The following XKR9 variants were observed in gnomAD, a reference collection of about 807,000 sequenced individuals.
XKR9 encodes XK related 9, also known as XK-related protein 9.
A neutral mutation model predicts 32.0 loss-of-function variants in XKR9; 32 were observed. The observed-to-expected ratio is 1.00, with a 90% CI of 0.76 to 1.34. The LOEUF (loss-of-function observed/expected upper bound fraction) is 1.34, where lower values mean the gene tolerates loss of function less well. Among genes scored for constraint, XKR9 ranks in the 40% most tolerant of loss-of-function variants. The probability of loss-of-function intolerance (pLI) is 0.00; values close to 1 mark genes in which losing one functional copy is unlikely to be tolerated. For missense variants in XKR9, 546 were observed against 429.7 expected (o/e 1.27, Z -2.39); for synonymous variants, 168 against 143.4 (o/e 1.17, Z -1.22).
the XKR9 span, among the ~76,000 whole-genome samples, chr8:70,989,609 G>A: frequency 6.6e-6 from 1 of 152,192 alleles, no homozygotes; most frequent in South Asian, 2.1e-4. Context: ...AGTAAAGAAT[G>A]CAGGCTCTGG....
chr8:70,805,503 T>C, the XKR9 span, among the ~76,000 whole-genome samples: 1 of 152,138 alleles, frequency 6.6e-6, no homozygotes, highest in Non-Finnish European at 1.5e-5. Flanking sequence ...CCTAACACGC[T>C]AAGCTCCCTG....
chr8:70,992,590 A>G, the XKR9 span, among the ~76,000 whole-genome samples: 1 of 152,218 alleles, frequency 6.6e-6, no homozygotes. Context: ...ACACATTAAT[A>G]TCTTTCCTTT....
At chr8:70,729,778 T>C (rs2132235585) in intron 4 of XKR9, among the ~76,000 whole-genome samples, 1 of 152,286 alleles carries the variant, frequency 6.6e-6, no homozygotes, top group South Asian at 2.1e-4. Context: ...TTTTGGAGCA[T>C]ATACCTATAA....
chr8:70,847,573 T>G, the XKR9 span, among the ~76,000 whole-genome samples: 1 of 151,580 alleles, frequency 6.6e-6, no homozygotes, highest in East Asian at 1.9e-4. Context: ...TGAGAAATGT[T>G]TGGATAGACT....
At chr8:70,829,503 C>A in the XKR9 span, among the ~76,000 whole-genome samples, 2 of 152,202 alleles carry the variant, frequency 1.3e-5, no homozygotes, top group African/African-American at 4.8e-5. Context: ...GGCTGGAGTG[C>A]AGTGGTGCGA....
At chr8:70,729,522 T>G (rs1054990907) in intron 4 of XKR9, among the ~76,000 whole-genome samples, 1 of 152,088 alleles carries the variant, frequency 6.6e-6, no homozygotes, top group African/African-American at 2.4e-5. Context: ...TCCAAAGTTA[T>G]AAGAAATTTG....
the XKR9 span, among the ~76,000 whole-genome samples, chr8:70,955,228 A>T: frequency 6.6e-6 from 1 of 152,226 alleles, no homozygotes; most frequent in African/African-American, 2.4e-5. Context: ...ATAAAGAGCT[A>T]AAGCCCAGTG....
the XKR9 span, among the ~76,000 whole-genome samples, chr8:70,956,855 CA>C: frequency 2.0e-5 from 3 of 152,266 alleles, no homozygotes; most frequent in South Asian, 2.1e-4. Context: ...CCTGCAGGGT[CA>C]GGGGGCTTCT....
At chr8:70,909,703 C>CTT in the XKR9 span, among the ~76,000 whole-genome samples, 25,310 of 91,084 alleles carry the variant, frequency 0.28, 4,900 homozygotes, top group Non-Finnish European at 0.4. Flanking sequence ...TCGATTTATC[C>CTT]TTTTTTTTTT....
the XKR9 span, among the ~76,000 whole-genome samples, chr8:70,881,077 A>G: frequency 1.9e-4 from 29 of 152,248 alleles, no homozygotes; most frequent in East Asian, 5.0e-3. Context: ...TATGTAGAAA[A>G]CTGAAACTGG....
At chr8:70,862,182 T>C in the XKR9 span, among the ~76,000 whole-genome samples, 1 of 152,196 alleles carries the variant, frequency 6.6e-6, no homozygotes, top group Non-Finnish European at 1.5e-5. Context: ...CAAAGTCAAC[T>C]GAATATTTTA....
At chr8:70,779,610 T>C (rs1807587605) in intron 2 of XKR9, among the ~76,000 whole-genome samples, 1 of 152,182 alleles carries the variant, frequency 6.6e-6, no homozygotes, top group African/African-American at 2.4e-5. Context: ...GGTAGGCTAT[T>C]AATTATTGCC....
At chr8:70,936,372 T>C in the XKR9 span, among the ~76,000 whole-genome samples, 1 of 152,082 alleles carries the variant, frequency 6.6e-6, no homozygotes, top group Non-Finnish European at 1.5e-5. Flanking sequence ...TGGCTTTCCT[T>C]ACACTGGAAG....
the XKR9 span, among the ~76,000 whole-genome samples, chr8:70,931,380 C>T: frequency 6.6e-6 from 1 of 152,086 alleles, no homozygotes; most frequent in Admixed American, 6.6e-5. Flanking sequence ...TATGACCAGC[C>T]AGGTTGTGTG....
At chr8:70,752,202 A>T (rs910924770) in intron 2 of XKR9, among the ~76,000 whole-genome samples, 1 of 151,944 alleles carries the variant, frequency 6.6e-6, no homozygotes, top group African/African-American at 2.4e-5. Flanking sequence ...ATGGAATCAT[A>T]TAGGATATGG....
chr8:70,703,832 T>C (rs896698231), intron 3 of XKR9, among the ~76,000 whole-genome samples: 6 of 152,088 alleles, frequency 3.9e-5, no homozygotes, highest in Non-Finnish European at 8.8e-5. Context: ...GAATACACTA[T>C]GTTAAGAAAG....
chr8:70,990,098 A>C, the XKR9 span, among the ~76,000 whole-genome samples: 1 of 152,168 alleles, frequency 6.6e-6, no homozygotes, highest in Admixed American at 6.6e-5. Flanking sequence ...AGCCTCCCAC[A>C]GTCTTTATGT....
chr8:70,712,275 A>G (rs1211867977), intron 4 of XKR9, among the ~76,000 whole-genome samples: 4 of 152,166 alleles, frequency 2.6e-5, no homozygotes, highest in Admixed American at 2.6e-4. Flanking sequence ...AAAATATCTA[A>G]AAATATTGGA....
chr8:70,991,804 T>C, the XKR9 span, among the ~76,000 whole-genome samples: 1 of 152,206 alleles, frequency 6.6e-6, no homozygotes, highest in Non-Finnish European at 1.5e-5. Context: ...TAATATACTA[T>C]GAGGTTTTGA....
Sources: allele counts gnomAD v4.1 joint callset (sites outside exome capture counted in the v4.1 genomes callset), GRCh38; gene constraint gnomAD v4.1.1; transcripts MANE v1.5; gene names NCBI Gene and HGNC (gene_info 2026-07-23, HGNC 2026-07-21).